The following FHIT variants were observed in gnomAD, a reference collection of about 807,000 sequenced individuals.
FHIT encodes the protein bis(5'-adenosyl)-triphosphatase.
A neutral mutation model predicts 17.9 loss-of-function variants in FHIT; 19 were observed. The ratio of observed to expected loss-of-function variants is 1.06; its 90% CI spans 0.74 to 1.56. The LOEUF is 1.56. FHIT is among the 40% of genes most tolerant of loss of function. The probability of loss-of-function intolerance (pLI) is 0.00; values close to 1 mark genes in which losing one functional copy is unlikely to be tolerated. For missense variants in FHIT, 248 were observed against 189.2 expected (o/e 1.31, Z -1.82); for synonymous variants, 81 against 69.7 (o/e 1.16, Z -0.81).
chr3:60,605,456 C>T (rs913472597), intron 4 of FHIT, among the ~76,000 whole-genome samples: 10 of 152,154 alleles, frequency 6.6e-5, no homozygotes, highest in African/African-American at 9.7e-5. Flanking sequence ...AAGAAGTGTA[C>T]GGATTAGGAC....
At chr3:61,138,298 G>A (rs1261330246) in intron 2 of FHIT, among the ~76,000 whole-genome samples, 1 of 152,194 alleles carries the variant, frequency 6.6e-6, no homozygotes, top group Non-Finnish European at 1.5e-5. Context: ...TGGGAGCCAA[G>A]TTAAAAACCT....
chr3:61,238,625 C>T (rs1264159049), intron 1 of FHIT, among the ~76,000 whole-genome samples: 2 of 152,228 alleles, frequency 1.3e-5, no homozygotes, highest in South Asian at 2.1e-4. Context: ...GTGACCCACA[C>T]CAAGTCATTT....
At chr3:59,984,989 A>C (rs1708828645) in intron 7 of FHIT, among the ~76,000 whole-genome samples, 1 of 152,052 alleles carries the variant, frequency 6.6e-6, no homozygotes, top group Admixed American at 6.6e-5. Context: ...CTGAATCAGA[A>C]ATGGAATCTC....
chr3:60,420,409 A>G (rs1454052621), intron 5 of FHIT, among the ~76,000 whole-genome samples: 1 of 152,142 alleles, frequency 6.6e-6, no homozygotes, highest in Non-Finnish European at 1.5e-5. Context: ...TTTTGTATAT[A>G]TATTTTTATC....
At chr3:60,111,281 T>C (rs1375879628) in intron 5 of FHIT, among the ~76,000 whole-genome samples, 1 of 152,216 alleles carries the variant, frequency 6.6e-6, no homozygotes, top group African/African-American at 2.4e-5. Context: ...CAGTCCTGTA[T>C]CTAAGGATAA....
chr3:61,127,175 G>A (rs2036631011), intron 2 of FHIT, among the ~76,000 whole-genome samples: 1 of 152,144 alleles, frequency 6.6e-6, no homozygotes, highest in African/African-American at 2.4e-5. Context: ...CAAAAGATGT[G>A]AAGAAAGACC....
At chr3:60,357,992 G>A (rs367598943) in intron 5 of FHIT, among the ~76,000 whole-genome samples, 21 of 152,116 alleles carry the variant, frequency 1.4e-4, no homozygotes, top group East Asian at 1.9e-4. Flanking sequence ...TTAGAAGTTC[G>A]AACTATAGAC....
intron 2 of FHIT, among the ~76,000 whole-genome samples, chr3:61,180,599 A>G (rs1179295226): frequency 6.6e-6 from 1 of 152,230 alleles, no homozygotes; most frequent in African/African-American, 2.4e-5. Context: ...TGTATTTTGC[A>G]TGTCTTCCAA....
intron 5 of FHIT, among the ~76,000 whole-genome samples, chr3:60,169,779 T>G (rs528543926): frequency 4.7e-4 from 71 of 152,270 alleles, no homozygotes; most frequent in African/African-American, 1.7e-3. Flanking sequence ...TAGAAGAACT[T>G]GGATCTCCGA....
intron 4 of FHIT, among the ~76,000 whole-genome samples, chr3:60,653,533 A>T (rs1051923935): frequency 2.2e-4 from 34 of 152,058 alleles, no homozygotes; most frequent in Non-Finnish European, 4.7e-4. Flanking sequence ...GGAATTATCA[A>T]AGAGATTGCA....
intron 7 of FHIT, among the ~76,000 whole-genome samples, chr3:59,937,907 T>C (rs893410396): frequency 1.3e-5 from 2 of 152,202 alleles, no homozygotes; most frequent in South Asian, 4.1e-4. Flanking sequence ...GGTTACATTT[T>C]CCTTCTAACT....
chr3:61,102,415 T>C (rs1211003185), intron 2 of FHIT, among the ~76,000 whole-genome samples: 1 of 152,214 alleles, frequency 6.6e-6, no homozygotes, highest in East Asian at 1.9e-4. Context: ...GACTTGATCA[T>C]GGTGGATAGG....
At chr3:59,876,077 G>A (rs539459619) in intron 8 of FHIT, among the ~76,000 whole-genome samples, 12 of 152,154 alleles carry the variant, frequency 7.9e-5, no homozygotes, top group African/African-American at 2.9e-4. Context: ...AGGTCTATTA[G>A]GTGGGGACAC....
At chr3:59,981,744 T>C (rs565061579) in intron 7 of FHIT, among the ~76,000 whole-genome samples, 1 of 152,198 alleles carries the variant, frequency 6.6e-6, no homozygotes, top group Admixed American at 6.5e-5. Flanking sequence ...ACATAAAACA[T>C]TTAATGTGAA....
chr3:60,279,073 C>T (rs113100275), intron 5 of FHIT, among the ~76,000 whole-genome samples: 119 of 152,052 alleles, frequency 7.8e-4, no homozygotes, highest in African/African-American at 2.7e-3. Context: ...GGAAATCAAT[C>T]AGAGAAAAAT....
intron 4 of FHIT, among the ~76,000 whole-genome samples, chr3:60,793,633 T>C (rs1391185596): frequency 1.3e-5 from 2 of 152,222 alleles, no homozygotes; most frequent in East Asian, 3.9e-4. Flanking sequence ...AGGAAGGGCT[T>C]CCAAGAAAAA....
At chr3:60,104,775 C>A (rs912849838) in intron 5 of FHIT, among the ~76,000 whole-genome samples, 7 of 152,042 alleles carry the variant, frequency 4.6e-5, no homozygotes, top group African/African-American at 1.7e-4. Flanking sequence ...CAGAACAATG[C>A]TACCTCGCCA....
chr3:60,313,554 C>T (rs560909491), intron 5 of FHIT, among the ~76,000 whole-genome samples: 6 of 152,126 alleles, frequency 3.9e-5, no homozygotes, highest in Non-Finnish European at 4.4e-5. Flanking sequence ...TAGGTTGTCA[C>T]GTAAAGTGCA....
rs536951078 is a variant in FHIT, at chr3:61,017,003, G to A, written c.-111+25044C>T. Among the ~76,000 whole-genome samples the A allele has an allele frequency of 4.9e-4, 68 of 138,444 alleles. 1 individual carries two copies. The highest frequency in any genetic ancestry group is 2.0e-3 in the African/African-American group (66 of 33,306). 90.8% of individuals were successfully genotyped at this position (138,444 alleles called of 152,430 possible). ...TGAGAGCAACTAAAAATAAAATACA[G>A]AGGCTGGGCCTGGTGGCTCACACCT... On this transcript the variant is annotated intron_variant, in intron 3 of 9. Coordinates refer to ENST00000492590, the MANE Select transcript of FHIT (RefSeq NM_002012.4).
Sources: allele counts gnomAD v4.1 joint callset (sites outside exome capture counted in the v4.1 genomes callset), GRCh38; gene constraint gnomAD v4.1.1; transcripts MANE v1.5; gene names NCBI Gene and HGNC (gene_info 2026-07-23, HGNC 2026-07-21).